Variants in NELL2 observed in about 807,000 individuals in gnomAD.
NELL2 encodes protein kinase C-binding protein NELL2.
In NELL2, 41 loss-of-function variants were observed where a neutral mutation model predicts 109.6. That is an observed-to-expected ratio of 0.37 (90% confidence interval 0.29 to 0.49). NELL2 has a LOEUF of 0.49. NELL2 is among the 20% of genes least tolerant of loss of function. The probability of loss-of-function intolerance (pLI) is 0.98; values close to 1 mark genes in which losing one functional copy is unlikely to be tolerated. For synonymous variants in NELL2, 355 were observed against 344.7 expected (o/e 1.03, Z -0.33); for missense variants, 900 against 1,008.3 (o/e 0.89, Z 1.45).
intron 9 of NELL2, among the ~76,000 whole-genome samples, chr12:44,732,356 G>T (rs1939414794): frequency 6.6e-6 from 1 of 151,872 alleles, no homozygotes; most frequent in Non-Finnish European, 1.5e-5. Flanking sequence ...ATGGTTTTTG[G>T]CATTAAACAC....
chr12:44,775,223 G>A (rs896963297), intron 8 of NELL2, among the ~76,000 whole-genome samples: 6 of 151,010 alleles, frequency 4.0e-5, no homozygotes, highest in Non-Finnish European at 5.9e-5. Flanking sequence ...GAACATGCAC[G>A]CACGCACACA....
chr12:44,848,837 A>C (rs35374916), intron 2 of NELL2, among the ~76,000 whole-genome samples: 11,365 of 152,254 alleles, frequency 0.075, 553 homozygotes, highest in Admixed American at 0.12. Context: ...CAAGGGTCAC[A>C]AGCCAGTAAC....
At chr12:44,710,458 G>T (rs1270185667) in intron 11 of NELL2, among the ~76,000 whole-genome samples, 1 of 152,050 alleles carries the variant, frequency 6.6e-6, no homozygotes, top group Non-Finnish European at 1.5e-5. Flanking sequence ...CCCACAAGGT[G>T]CACTGTCTAA....
chr12:44,724,095 C>G (rs1012950626), intron 9 of NELL2, among the ~76,000 whole-genome samples: 1 of 151,834 alleles, frequency 6.6e-6, no homozygotes, highest in Non-Finnish European at 1.5e-5. Context: ...CTTTGCAAAA[C>G]TTGGACACAG....
intron 9 of NELL2, among the ~76,000 whole-genome samples, chr12:44,754,973 C>T (rs1269698488): frequency 6.6e-6 from 1 of 152,190 alleles, no homozygotes; most frequent in African/African-American, 2.4e-5. Context: ...GTGAACCAAC[C>T]CAATGAACTA....
At chr12:44,882,985 C>T (rs971557507) in intron 1 of NELL2, among the ~76,000 whole-genome samples, 1 of 150,056 alleles carries the variant, frequency 6.7e-6, no homozygotes, top group African/African-American at 2.5e-5. Flanking sequence ...AGACTACAGG[C>T]ATGTAACAAC....
At chr12:44,631,609 A>G (rs1376826431) in intron 13 of NELL2, among the ~76,000 whole-genome samples, 3 of 152,092 alleles carry the variant, frequency 2.0e-5, no homozygotes, top group Non-Finnish European at 4.4e-5. Context: ...AACAGTATCA[A>G]TCACACCCCA....
intron 19 of NELL2, among the ~76,000 whole-genome samples, chr12:44,514,537 GTTA>G (rs1410444336): frequency 2.0e-5 from 3 of 149,890 alleles, no homozygotes; most frequent in South Asian, 2.1e-4. Flanking sequence ...TTTATTATTA[GTTA>G]TTGTTGTCAA....
intron 13 of NELL2, among the ~76,000 whole-genome samples, chr12:44,659,415 C>T (rs79806589): frequency 3.3e-5 from 5 of 152,142 alleles, no homozygotes; most frequent in Non-Finnish European, 7.3e-5. Flanking sequence ...AGGCAACCTA[C>T]AGAATGGGAG....
At chr12:44,613,338 A>G (rs547758252) in intron 13 of NELL2, among the ~76,000 whole-genome samples, 4 of 152,018 alleles carry the variant, frequency 2.6e-5, no homozygotes, top group Non-Finnish European at 4.4e-5. Context: ...TTTTCTTTGT[A>G]TCTCATTTAA....
chr12:44,766,908 A>G (rs1325097383), intron 9 of NELL2, among the ~76,000 whole-genome samples: 3 of 152,252 alleles, frequency 2.0e-5, no homozygotes, highest in Non-Finnish European at 2.9e-5. Context: ...GTAATGGGAC[A>G]TGAAAAATAA....
At chr12:44,839,398 T>C (rs1004207985) in intron 2 of NELL2, among the ~76,000 whole-genome samples, 3 of 152,154 alleles carry the variant, frequency 2.0e-5, no homozygotes, top group Non-Finnish European at 4.4e-5. Flanking sequence ...TGATATACAA[T>C]AGAACACATT....
Position 44,883,348 on chromosome 12 carries a change from G to T in NELL2, c.39-7448C>A, listed in dbSNP as rs73281096. The stretch of plus-strand genomic sequence containing the variant: ...TCCTTCAATCTTCAATCCAGCAACA[G>T]CAGGCAAAGTCTTTCTCACACTACA... On this transcript the variant is annotated intron_variant, in intron 1 of 20. Coordinates refer to the NELL2 transcript ENST00000333837. 6.2e-3 allele frequency among the ~76,000 whole-genome samples: 927 copies of T among 148,628 alleles called. 21 individuals carry two copies. The highest frequency in any genetic ancestry group is 0.022 in the African/African-American group (884 of 41,066).
At chr12:44,532,972 T>C (rs556141372) in intron 15 of NELL2, among the ~76,000 whole-genome samples, 3 of 152,278 alleles carry the variant, frequency 2.0e-5, no homozygotes, top group Admixed American at 6.5e-5. Flanking sequence ...AAAGAATCCA[T>C]ATGTGATGGT....
At chr12:44,625,235 T>C (rs75616494) in intron 13 of NELL2, among the ~76,000 whole-genome samples, 17 of 151,926 alleles carry the variant, frequency 1.1e-4, no homozygotes, top group Admixed American at 1.1e-3. Flanking sequence ...TGCATGGCAG[T>C]TGTATATTTG....
chr12:44,734,760 A>G (rs1480594339), intron 9 of NELL2, among the ~76,000 whole-genome samples: 1 of 152,034 alleles, frequency 6.6e-6, no homozygotes, highest in Non-Finnish European at 1.5e-5. Context: ...TTAAATTTCT[A>G]TACATTTTCT....
In NELL2 at chr12:44,610,319, G is replaced by A. The variant is rs1245888272; in HGVS notation, c.1567+529C>T. On this transcript the variant is annotated intron_variant, in intron 14 of 19. Coordinates refer to ENST00000429094, the MANE Select transcript of NELL2 (RefSeq NM_001145108.2). ...ATTCACATGGTAGCATAACAAATAGGTTGACAACGCTGCCAGAAAACAGCT... is the reference window on the plus strand; with the variant it reads ...ATTCACATGGTAGCATAACAAATAGATTGACAACGCTGCCAGAAAACAGCT... Among the ~76,000 whole-genome samples, 3 of 151,724 alleles carry A rather than the reference G, an allele frequency of 2.0e-5. No homozygotes were observed. In the East Asian group the frequency reaches 5.8e-4, roughly 29 times the overall value.
chr12:44,789,237 T>C (rs1046908520), intron 3 of NELL2, among the ~76,000 whole-genome samples: 2 of 152,060 alleles, frequency 1.3e-5, no homozygotes, highest in Non-Finnish European at 1.5e-5. Context: ...CACTGCCACC[T>C]CCACCAGAAT....
At chr12:44,866,451 T>C (rs1165557156) in intron 2 of NELL2, among the ~76,000 whole-genome samples, 1 of 151,994 alleles carries the variant, frequency 6.6e-6, no homozygotes, top group Non-Finnish European at 1.5e-5. Flanking sequence ...GGACACAACA[T>C]ACCAAAACAT....
Sources: allele counts gnomAD v4.1 joint callset (sites outside exome capture counted in the v4.1 genomes callset), GRCh38; gene constraint gnomAD v4.1.1; transcripts MANE v1.5; gene names NCBI Gene and HGNC (gene_info 2026-07-23, HGNC 2026-07-21).